The following ASIC2 variants were observed in gnomAD, a reference collection of about 807,000 sequenced individuals.
ASIC2 encodes acid-sensing ion channel 2.
A neutral mutation model predicts 57.3 loss-of-function variants in ASIC2; 25 were observed. That is an observed-to-expected ratio of 0.44 (90% CI 0.32 to 0.61). The LOEUF (loss-of-function observed/expected upper bound fraction) is 0.61. Among genes scored for constraint, ASIC2 ranks in the 20% least tolerant of loss-of-function variants. The pLI is 0.06. For synonymous variants in ASIC2, 319 were observed against 307.5 expected (o/e 1.04, Z -0.39); for missense variants, 641 against 738.1 (o/e 0.87, Z 1.52).
In ASIC2 at chr17:34,156,665, T is replaced by G; in HGVS notation, c.-133A>C. On this transcript the variant is annotated 5_prime_UTR_variant, in exon 1 of 10. Coordinates refer to the ASIC2 transcript ENST00000359872. This position sits in a 1 kb window ranked among gnomAD's most constrained non-coding sequence, Gnocchi z 4.4. ...AAGGCAAGCATCGCGCCAGATGCTGTGAGTTTATCCTGAGAGCCCAGCCGC... is the reference window on the plus strand; with the variant it reads ...AAGGCAAGCATCGCGCCAGATGCTGGGAGTTTATCCTGAGAGCCCAGCCGC... 1.0e-6 allele frequency: 1 copy of G among 967,268 alleles called. No individual in the cohort carries two copies. The highest frequency in any genetic ancestry group is 1.5e-6 in the Non-Finnish European group (1 of 669,516). The allele number at this position is 967,268 out of a possible 1,614,324, so 59.9% of individuals were successfully genotyped here. A position where few individuals can be genotyped will look rare whatever the true frequency, so the allele number is the denominator to read the frequency against.
At chr17:33,269,064 C>G (rs1249345684) in intron 1 of ASIC2, among the ~76,000 whole-genome samples, 1 of 152,142 alleles carries the variant, frequency 6.6e-6, no homozygotes, top group Non-Finnish European at 1.5e-5. Context: ...GTTGATATGT[C>G]TTTCTTCTGT....
At chr17:33,960,659 A>G (rs1205945925) in intron 1 of ASIC2, among the ~76,000 whole-genome samples, 2 of 152,054 alleles carry the variant, frequency 1.3e-5, no homozygotes, top group Non-Finnish European at 2.9e-5. Context: ...GCCACACTGG[A>G]TTTTCAGTTT....
upstream of ASIC2, among the ~76,000 whole-genome samples, chr17:33,295,676 A>G (rs1905693862): frequency 6.6e-6 from 1 of 152,154 alleles, no homozygotes; most frequent in South Asian, 2.1e-4. Flanking sequence ...TTGTATCCCT[A>G]CCTCTTAGCA....
At chr17:34,006,641 A>C (rs1243528298) in intron 1 of ASIC2, 1 of 152,176 alleles carries the variant, frequency 6.6e-6, no homozygotes, top group Non-Finnish European at 1.5e-5. Context: ...ATTGATACAG[A>C]ATCATTATAT....
chr17:33,778,289 C>A (rs9902172), intron 1 of ASIC2, among the ~76,000 whole-genome samples: 4,044 of 152,256 alleles, frequency 0.027, 92 homozygotes, highest in African/African-American at 0.068. Flanking sequence ...ATGCTGAACA[C>A]ACTGGAACCA....
intron 1 of ASIC2, among the ~76,000 whole-genome samples, chr17:33,888,426 G>A (rs1914881487): frequency 6.6e-6 from 1 of 152,136 alleles, no homozygotes; most frequent in African/African-American, 2.4e-5. Context: ...TGCTTAAGTG[G>A]TGGAAGCTGT....
intron 1 of ASIC2, chr17:34,038,747 G>T (rs1201638943): frequency 9.8e-5 from 158 of 1,609,458 alleles, no homozygotes; most frequent in Admixed American, 8.3e-5. Flanking sequence ...TTCTTTTAAC[G>T]TTAACGTTTC....
chr17:33,112,173 C>G, intron 1 of ASIC2, 106 bp from the exon 2 acceptor site: 1 of 1,316,070 alleles, frequency 7.6e-7, no homozygotes, highest in East Asian at 2.6e-5. Context: ...AGAGTCCCCA[C>G]AGCCCATCAC....
intron 2 of ASIC2, among the ~76,000 whole-genome samples, chr17:33,100,900 G>A (rs1229035192): frequency 2.0e-5 from 3 of 152,236 alleles, no homozygotes; most frequent in Non-Finnish European, 4.4e-5. Flanking sequence ...CACTTAGCAT[G>A]TGCATTACGC....
chr17:33,964,089 T>C (rs1480720819), intron 1 of ASIC2, among the ~76,000 whole-genome samples: 1 of 152,184 alleles, frequency 6.6e-6, no homozygotes, highest in African/African-American at 2.4e-5. Flanking sequence ...CCATCACTAA[T>C]TGGTTACCAC....
intron 1 of ASIC2, among the ~76,000 whole-genome samples, chr17:34,074,786 T>C (rs537629873): frequency 7.1e-4 from 103 of 144,176 alleles, no homozygotes; most frequent in African/African-American, 1.2e-3. Flanking sequence ...TTCTTTCTTT[T>C]TTTTTTTTTT....
At chr17:33,176,490 C>T (rs1905762733) in intron 1 of ASIC2, among the ~76,000 whole-genome samples, 1 of 152,120 alleles carries the variant, frequency 6.6e-6, no homozygotes, top group Admixed American at 6.5e-5. Flanking sequence ...GAGGCATACA[C>T]CACCATGCCC....
intron 1 of ASIC2, among the ~76,000 whole-genome samples, chr17:33,164,311 G>A (rs909352031): frequency 2.0e-5 from 3 of 152,134 alleles, no homozygotes; most frequent in Non-Finnish European, 2.9e-5. Flanking sequence ...ATATTTAGGC[G>A]ACTCATGAAT....
At chr17:33,845,202 C>T (rs1410225889) in intron 1 of ASIC2, among the ~76,000 whole-genome samples, 2 of 152,230 alleles carry the variant, frequency 1.3e-5, no homozygotes, top group African/African-American at 4.8e-5. Flanking sequence ...ATACCTAATT[C>T]TATCATTTGA....
intron 1 of ASIC2, among the ~76,000 whole-genome samples, chr17:33,964,468 A>T (rs1321753803): frequency 2.6e-5 from 4 of 152,238 alleles, no homozygotes; most frequent in African/African-American, 9.6e-5. Flanking sequence ...AGAGTCAAGG[A>T]CCATGGTAAA....
At chr17:33,642,449 C>A (rs1906604117) in intron 1 of ASIC2, among the ~76,000 whole-genome samples, 2 of 152,130 alleles carry the variant, frequency 1.3e-5, no homozygotes, top group African/African-American at 4.8e-5. Flanking sequence ...CAATTCCACT[C>A]TGACACACTG....
chr17:34,155,546 T>G, intron 1 of ASIC2: 1 of 183,730 alleles, frequency 5.4e-6, no homozygotes, highest in Non-Finnish European at 1.1e-5. Context: ...ATGCAGTGCC[T>G]GATGCCACTT....
At chr17:34,083,159 CTA>C (rs1315266102) in intron 1 of ASIC2, among the ~76,000 whole-genome samples, 1 of 146,368 alleles carries the variant, frequency 6.8e-6, no homozygotes, top group East Asian at 2.1e-4. Context: ...TCTCCCAGTG[CTA>C]TCCCTCCCCC....
chr17:33,507,995 C>T (rs751337459), intron 1 of ASIC2, among the ~76,000 whole-genome samples: 4 of 152,156 alleles, frequency 2.6e-5, no homozygotes, highest in Non-Finnish European at 5.9e-5. Context: ...GGCCACAGTT[C>T]GCTGACTCCT....
Sources: gnomAD v4.1 joint callset for allele counts (sites outside exome capture counted in the v4.1 genomes callset) on GRCh38, gnomAD v4.1.1 for gene constraint, Gnocchi (gnomAD v3.1) non-coding constraint, MANE v1.5 for transcripts, NCBI Gene and HGNC (gene_info 2026-07-23, HGNC 2026-07-21) for gene names.